STK3: variants seen among roughly 807,000 people sequenced by gnomAD.
STK3 encodes serine/threonine-protein kinase 3.
A neutral mutation model predicts 58.0 loss-of-function variants in STK3; 41 were observed. That is an observed-to-expected ratio of 0.71 (90% confidence interval 0.55 to 0.92). The LOEUF is 0.92. Among genes scored for constraint, STK3 ranks in the 40% least tolerant of loss-of-function variants. STK3 has a pLI of 0.00. For synonymous variants in STK3, 170 were observed against 191.0 expected (o/e 0.89, Z 0.91); for missense variants, 479 against 602.7 (o/e 0.79, Z 2.15).
At chr8:98,676,234 A>C (rs1823197798) in intron 6 of STK3, among the ~76,000 whole-genome samples, 3 of 152,242 alleles carry the variant, frequency 2.0e-5, no homozygotes, top group Non-Finnish European at 4.4e-5. Context: ...AACTGTTTTA[A>C]CAGGCATGGA....
chr8:98,662,158 G>A (rs370067513), intron 6 of STK3, among the ~76,000 whole-genome samples: 2 of 152,238 alleles, frequency 1.3e-5, no homozygotes, highest in East Asian at 3.9e-4. Context: ...CCATGGAGAA[G>A]CTGTTCAATT....
chr8:98,787,450 C>A (rs1278112268), intron 1 of STK3, among the ~76,000 whole-genome samples: 2 of 151,804 alleles, frequency 1.3e-5, no homozygotes, highest in Admixed American at 6.6e-5. Flanking sequence ...AACGACCAAA[C>A]CTAAGAATAA....
At position 98,776,968 on chromosome 8, in the gene STK3, T is replaced by TGAAC. The variant is rs1426461065; in HGVS notation, c.27-2153_27-2150dup. Reference sequence around the variant, plus strand: ...GCGAGGCTGAGGCAGGAGAATGGCGTGAACCCAGGAGGCGGAGCTTGCCGT... The same window carrying TGAAC: ...GCGAGGCTGAGGCAGGAGAATGGCGTGAACGAACCCAGGAGGCGGAGCTTGCCGT... On this transcript the variant is annotated intron_variant, in intron 1 of 10. Coordinates refer to ENST00000419617, the MANE Select transcript of STK3 (RefSeq NM_006281.4). Among the ~76,000 whole-genome samples, 4 of 151,376 alleles carry TGAAC rather than the reference T, an allele frequency of 2.6e-5. No homozygotes were observed. The East Asian group carries it at 7.8e-4, about 30-fold the overall frequency.
At chr8:98,638,007 ACT>A (rs1052880283) in intron 6 of STK3, among the ~76,000 whole-genome samples, 1 of 152,090 alleles carries the variant, frequency 6.6e-6, no homozygotes, top group Non-Finnish European at 1.5e-5. Context: ...TTCCTTTTAA[ACT>A]CTCTACTCAT....
At chr8:98,452,274 C>T (rs1006480129), downstream of STK3, among the ~76,000 whole-genome samples, 12 of 152,058 alleles carry the variant, frequency 7.9e-5, no homozygotes, top group Non-Finnish European at 1.8e-4. Flanking sequence ...AATATAACAG[C>T]GGTAAGTAAT....
chr8:98,698,352 A>G (rs2131008150), intron 6 of STK3, among the ~76,000 whole-genome samples: 1 of 152,018 alleles, frequency 6.6e-6, no homozygotes, highest in Middle Eastern at 3.4e-3. Flanking sequence ...TGGAGCATTT[A>G]GTCCATTTAC....
At chr8:98,664,831 C>T (rs558165395) in intron 6 of STK3, among the ~76,000 whole-genome samples, 9 of 151,558 alleles carry the variant, frequency 5.9e-5, no homozygotes, top group East Asian at 1.9e-4. Flanking sequence ...ACCCGGGAGG[C>T]GGAGGTTGCA....
intron 8 of STK3, among the ~76,000 whole-genome samples, chr8:98,555,511 A>T (rs1452234340): frequency 1.3e-5 from 2 of 152,156 alleles, no homozygotes; most frequent in Non-Finnish European, 2.9e-5. Context: ...TTTTCTTCTT[A>T]AAATGACATT....
intron 10 of STK3, among the ~76,000 whole-genome samples, chr8:98,473,397 T>C (rs991308230): frequency 6.6e-6 from 1 of 152,196 alleles, no homozygotes; most frequent in Non-Finnish European, 1.5e-5. Context: ...TACTTTCTGA[T>C]ATTTCCCATC....
At chr8:98,876,455 C>T (rs1026973393) in intron 3 of STK3, among the ~76,000 whole-genome samples, 1 of 152,160 alleles carries the variant, frequency 6.6e-6, no homozygotes, top group African/African-American at 2.4e-5. Context: ...TTTGAGTCTG[C>T]CCTAGAGTCA....
chr8:98,617,963 G>T (rs1393566494), intron 6 of STK3, among the ~76,000 whole-genome samples: 15 of 152,150 alleles, frequency 9.9e-5, no homozygotes, highest in African/African-American at 2.4e-4. Context: ...ACTCATTTTA[G>T]GAGGCCAGCA....
chr8:98,523,309 A>G (rs1825505818), intron 10 of STK3, among the ~76,000 whole-genome samples: 1 of 151,778 alleles, frequency 6.6e-6, no homozygotes, highest in African/African-American at 2.4e-5. Flanking sequence ...TAATTATTGA[A>G]TCTTTTCATG....
At chr8:98,366,537 A>G (rs1257761815), downstream of STK3, among the ~76,000 whole-genome samples, 1 of 152,202 alleles carries the variant, frequency 6.6e-6, no homozygotes, top group Non-Finnish European at 1.5e-5. Context: ...GGTGTGAGGT[A>G]GGGATCTAAT....
chr8:98,419,581 T>G (rs1002553404), intron 3 of STK3, among the ~76,000 whole-genome samples: 1 of 152,194 alleles, frequency 6.6e-6, no homozygotes, highest in African/African-American at 2.4e-5. Context: ...AGCCTGGGCA[T>G]CCTGGGCTGC....
intron 6 of STK3, among the ~76,000 whole-genome samples, chr8:98,682,469 C>A (rs775875412): frequency 2.6e-5 from 4 of 152,086 alleles, no homozygotes; most frequent in Non-Finnish European, 4.4e-5. Context: ...AGTCACTTAC[C>A]GAAATGCTTA....
At chr8:98,630,412 C>A (rs150920864) in intron 6 of STK3, among the ~76,000 whole-genome samples, 31 of 152,164 alleles carry the variant, frequency 2.0e-4, no homozygotes, top group African/African-American at 7.0e-4. Context: ...GAGGCTAAGG[C>A]GAGAGGACTG....
At chr8:98,567,951 G>A (rs1218928641) in intron 8 of STK3, among the ~76,000 whole-genome samples, 3 of 151,888 alleles carry the variant, frequency 2.0e-5, no homozygotes, top group South Asian at 2.1e-4. Context: ...CCAGCTACTC[G>A]GGAGACTGAG....
chr8:98,388,985 T>C (rs752853838), upstream of STK3, among the ~76,000 whole-genome samples: 24 of 152,210 alleles, frequency 1.6e-4, no homozygotes, highest in Middle Eastern at 3.2e-3. Context: ...AACATCATAA[T>C]ATACCACCTT....
chr8:98,434,739 T>A (rs755763922), intron 2 of STK3, among the ~76,000 whole-genome samples: 60 of 152,000 alleles, frequency 3.9e-4, no homozygotes, highest in Middle Eastern at 3.4e-3. Flanking sequence ...AAGGCTGGCA[T>A]GCCTTGGAGT....
Sources: allele counts gnomAD v4.1 joint callset (sites outside exome capture counted in the v4.1 genomes callset), GRCh38; gene constraint gnomAD v4.1.1; transcripts MANE v1.5; gene names NCBI Gene and HGNC (gene_info 2026-07-23, HGNC 2026-07-21).